The following RXRA variants were observed in gnomAD, a reference collection of about 807,000 sequenced individuals.
The protein encoded by RXRA is retinoic acid receptor RXR-alpha.
A neutral mutation model predicts 44.5 loss-of-function variants in RXRA; 5 were observed. The observed-to-expected ratio is 0.11, with a 90% CI of 0.06 to 0.24. The LOEUF (loss-of-function observed/expected upper bound fraction) is 0.24, where lower values mean the gene tolerates loss of function less well. Among genes scored for constraint, RXRA ranks in the 10% least tolerant of loss-of-function variants. The pLI is 1.00. For synonymous variants in RXRA, 291 were observed against 271.4 expected (o/e 1.07, Z -0.71); for missense variants, 412 against 646.5 (o/e 0.64, Z 3.93).
chr9:134,370,823 CATG>C (rs151108075), intron 1 of RXRA, among the ~76,000 whole-genome samples: 1 of 152,342 alleles, frequency 6.6e-6, no homozygotes, highest in Non-Finnish European at 1.5e-5. Flanking sequence ...GTGGTGTGGA[CATG>C]ATGAGTGCTC....
At chr9:134,339,928 T>A (rs782318252) in intron 1 of RXRA, among the ~76,000 whole-genome samples, 5 of 152,110 alleles carry the variant, frequency 3.3e-5, no homozygotes, top group Non-Finnish European at 7.4e-5. Context: ...TGTGTGTATG[T>A]GAGTGTGCAC....
intron 1 of RXRA, among the ~76,000 whole-genome samples, chr9:134,346,454 T>C (rs1830153045): frequency 6.6e-6 from 1 of 152,212 alleles, no homozygotes; most frequent in Non-Finnish European, 1.5e-5. Context: ...CCACTGGTCC[T>C]TGCAGCTGGT....
At chr9:134,381,466 G>A (rs1211447021) in intron 1 of RXRA, among the ~76,000 whole-genome samples, 1 of 152,104 alleles carries the variant, frequency 6.6e-6, no homozygotes, top group Non-Finnish European at 1.5e-5. Flanking sequence ...TGGAGGAGGT[G>A]TCCCTGGTAG....
At chr9:134,333,969 C>G (rs1271588204) in intron 1 of RXRA, among the ~76,000 whole-genome samples, 1 of 152,226 alleles carries the variant, frequency 6.6e-6, no homozygotes, top group Non-Finnish European at 1.5e-5. Context: ...GCCCAGCAGC[C>G]CCCTTGGTAC....
chr9:134,368,524 G>GGT (rs149029719), intron 1 of RXRA, among the ~76,000 whole-genome samples: 5 of 152,222 alleles, frequency 3.3e-5, no homozygotes, highest in South Asian at 2.1e-4. Context: ...GTTCTGTTAG[G>GGT]GTGTGTGTGT....
chr9:134,400,224 C>T (rs539558003), intron 1 of RXRA, among the ~76,000 whole-genome samples: 18 of 152,296 alleles, frequency 1.2e-4, no homozygotes, highest in African/African-American at 3.4e-4. Flanking sequence ...GGCTTCCTCC[C>T]GCTCTAGCCT....
intron 1 of RXRA, among the ~76,000 whole-genome samples, chr9:134,338,373 C>T (rs1303072291): frequency 6.6e-6 from 1 of 152,244 alleles, no homozygotes; most frequent in Non-Finnish European, 1.5e-5. Flanking sequence ...TGTCAGGGTG[C>T]CCCTGGCTGC....
chr9:134,384,425 CAG>C (rs551480968), intron 1 of RXRA, among the ~76,000 whole-genome samples: 216 of 152,338 alleles, frequency 1.4e-3, no homozygotes, highest in Non-Finnish European at 2.0e-3. Context: ...AGGATGGAGT[CAG>C]GGGATATGGC....
At chr9:134,384,700 G>A (rs1830693664) in intron 1 of RXRA, among the ~76,000 whole-genome samples, 1 of 152,198 alleles carries the variant, frequency 6.6e-6, no homozygotes, top group Admixed American at 6.5e-5. Context: ...TCGGCCTGGG[G>A]GCGAGGGTTC....
At chr9:134,367,210 C>G (rs1351125774) in intron 1 of RXRA, among the ~76,000 whole-genome samples, 1 of 152,188 alleles carries the variant, frequency 6.6e-6, no homozygotes, top group Non-Finnish European at 1.5e-5. Context: ...CCCGCCTGAC[C>G]CCACCAGCCA....
At chr9:134,373,515 G>C (rs62576340) in intron 1 of RXRA, among the ~76,000 whole-genome samples, 18 of 152,326 alleles carry the variant, frequency 1.2e-4, no homozygotes, top group East Asian at 9.7e-4. Context: ...CCTTGGCCAC[G>C]AGGTGGTGTG....
At chr9:134,425,520 C>A in intron 6 of RXRA, 2 of 974,334 alleles carry the variant, frequency 2.1e-6, no homozygotes, top group Non-Finnish European at 2.4e-6. Context: ...CTGGGTTGCA[C>A]AGGCACCTCC....
chr9:134,414,706 C>CT (rs1300076500), intron 4 of RXRA, among the ~76,000 whole-genome samples: 1 of 152,246 alleles, frequency 6.6e-6, no homozygotes, highest in Non-Finnish European at 1.5e-5. Flanking sequence ...TGTCTTGGCA[C>CT]TGAGACTTTA....
intron 1 of RXRA, among the ~76,000 whole-genome samples, chr9:134,386,667 C>T (rs1465320828): frequency 2.0e-5 from 3 of 152,214 alleles, no homozygotes; most frequent in Admixed American, 1.3e-4. Flanking sequence ...TCAGCAACAG[C>T]AAACTGAGGC....
At chr9:134,416,011 TG>T (rs1351914960) in intron 4 of RXRA, among the ~76,000 whole-genome samples, 2 of 151,142 alleles carry the variant, frequency 1.3e-5, no homozygotes, top group Non-Finnish European at 2.9e-5. Context: ...TGTTGGGTGG[TG>T]GATGGAACAG....
At chr9:134,391,877 G>A (rs1476181117) in intron 1 of RXRA, among the ~76,000 whole-genome samples, 1 of 152,254 alleles carries the variant, frequency 6.6e-6, no homozygotes, top group East Asian at 1.9e-4. Context: ...TTGAGCCCTG[G>A]TTCCTCCCCT....
intron 6 of RXRA, chr9:134,423,373 A>G: frequency 1.0e-6 from 1 of 985,458 alleles, no homozygotes; most frequent in Non-Finnish European, 1.2e-6. Flanking sequence ...CCGCCGCCTC[A>G]GCCCGACTGG....
rs148805787 is a variant in RXRA, at chr9:134,349,284, C to G, written c.28+22625C>G. 3.4e-3 allele frequency among the ~76,000 whole-genome samples: 511 copies of G among 152,330 alleles called. 3 individuals carry two copies. Among genetic ancestry groups the G allele is most frequent in the African/African-American group, 0.011 (440 of 41,584 alleles). On this transcript the variant is annotated intron_variant, in intron 1 of 9. Coordinates refer to ENST00000481739, the MANE Select transcript of RXRA (RefSeq NM_002957.6). The surrounding 1 kb of genome is among the most constrained non-coding windows in gnomAD (Gnocchi z 4.3). ...GGCACATGGGGAGCCCTGCTGACCC[C>G]TGTTCTGCACCTGGACAGCCGGGTG...
chr9:134,422,783 G>A (rs746612924), intron 6 of RXRA: 37 of 985,352 alleles, frequency 3.8e-5, no homozygotes, highest in East Asian at 2.3e-4. Context: ...TGTACCATGC[G>A]GGGTCTCTCA....
Sources: gnomAD v4.1 joint callset for allele counts (sites outside exome capture counted in the v4.1 genomes callset) on GRCh38, gnomAD v4.1.1 for gene constraint, Gnocchi (gnomAD v3.1) non-coding constraint, MANE v1.5 for transcripts, NCBI Gene and HGNC (gene_info 2026-07-23, HGNC 2026-07-21) for gene names.